PCDHGA6: variants seen among roughly 807,000 people sequenced by gnomAD.
PCDHGA6 encodes the protein protocadherin gamma-A6.
Under a neutral mutation model 60.6 loss-of-function variants are expected in PCDHGA6, and 41 were observed. The observed-to-expected ratio is 0.68, with a 90% CI of 0.53 to 0.88. PCDHGA6 has a LOEUF of 0.88. Ranked by LOEUF, PCDHGA6 falls within the 40% of genes least tolerant of loss-of-function variation. The pLI, the probability that PCDHGA6 is intolerant of heterozygous loss-of-function variation, is 0.00. For synonymous variants in PCDHGA6, 594 were observed against 524.4 expected (o/e 1.13, Z -1.81); for missense variants, 1,312 against 1,203.0 (o/e 1.09, Z -1.34).
chr5:141,410,822 A>T (rs2095425246), intron 1 of PCDHGA6: 1 of 461,414 alleles, frequency 2.2e-6, no homozygotes, highest in Non-Finnish European at 3.6e-6. Flanking sequence ...AAATAATGTC[A>T]CCAGACTGAA....
chr5:141,403,969 T>G (rs1437416293), intron 1 of PCDHGA6: 1 of 1,613,690 alleles, frequency 6.2e-7, no homozygotes, highest in African/African-American at 1.3e-5. Context: ...CGGTGGAAGA[T>G]GTAAATGACA....
At position 141,485,044 on chromosome 5, in the gene PCDHGA6, G is replaced by A; in HGVS notation, c.2425-9763G>A. 2 of 737,674 alleles carry A rather than the reference G, an allele frequency of 2.7e-6. No individual in the cohort carries two copies. The highest frequency in any genetic ancestry group is 1.8e-5 in the African/African-American group (1 of 56,792). The allele number at this position is 737,674 out of a possible 1,614,324, so 45.7% of individuals were successfully genotyped here. A position where few individuals can be genotyped will look rare whatever the true frequency, so the allele number is the denominator to read the frequency against. ...GCAAAAACGGCGCGTAACCCTTGCG[G>A]CGCCGGCCGAACCGCGCCAGAGCTG... On this transcript the variant is annotated intron_variant, in intron 1 of 3. Coordinates refer to ENST00000517434, the MANE Select transcript of PCDHGA6 (RefSeq NM_018919.3). This position sits in a 1 kb window ranked among gnomAD's most constrained non-coding sequence, Gnocchi z 5.7.
rs751034521 is a variant in PCDHGA6, at chr5:141,405,112, C to A, written c.2424+28605C>A. ...TGGCCCTCAGGCTGAGGCACTGGCA[C>A]TCCTCGCATCTGCTGCGGGCTACCA... On this transcript the variant is annotated intron_variant, in intron 1 of 3. Coordinates refer to ENST00000517434, the MANE Select transcript of PCDHGA6 (RefSeq NM_018919.3). 4.5e-5 allele frequency: 73 copies of A among 1,613,868 alleles called. 1 individual carries two copies. The Middle Eastern group carries it at 5.9e-3, about 131-fold the overall frequency.
In PCDHGA6 at chr5:141,511,284, G is replaced by A; in HGVS notation, c.*111G>A. Reference sequence around the variant, plus strand: ...AGGGCTAACCCCCAGAATACTGGTAGGGGCCAAGGCCATGCTCCCCTTGGG... The same window carrying A: ...AGGGCTAACCCCCAGAATACTGGTAAGGGCCAAGGCCATGCTCCCCTTGGG... On this transcript the variant is annotated 3_prime_UTR_variant, in exon 4 of 4. Coordinates refer to ENST00000517434, the MANE Select transcript of PCDHGA6 (RefSeq NM_018919.3). 6.5e-7 allele frequency: 1 copy of A among 1,528,376 alleles called. No individual in the cohort carries two copies. The highest frequency in any genetic ancestry group is 1.4e-5 in the African/African-American group (1 of 72,796). The allele number at this position is 1,528,376 out of a possible 1,614,324, so 94.7% of individuals were successfully genotyped here.
Position 141,431,585 on chromosome 5 carries a change from G to A in PCDHGA6, c.2424+55078G>A. 6.2e-7 allele frequency: 1 copy of A among 1,614,204 alleles called. No individual in the cohort carries two copies. The highest frequency in any genetic ancestry group is 1.6e-4 in the Middle Eastern group (1 of 6,062). On this transcript the variant is annotated intron_variant, in intron 1 of 3. Transcript: ENST00000517434. This position sits in a 1 kb window ranked among gnomAD's most constrained non-coding sequence, Gnocchi z 4.8. ...CGACCCTGACGAAGGAGTCAATGCG[G>A]AAGTGAGGTATTCCTTCCGGTATGT...
chr5:141,424,519 A>T (rs1216899186), intron 1 of PCDHGA6: 1 of 152,222 alleles, frequency 6.6e-6, no homozygotes, highest in African/African-American at 2.4e-5. Context: ...TTAATGTAGT[A>T]AATCCATATA....
intron 1 of PCDHGA6, chr5:141,414,689 T>G (rs1256681548): frequency 1.2e-6 from 2 of 1,614,070 alleles, no homozygotes; most frequent in Non-Finnish European, 8.5e-7. Context: ...GGGGTACCTC[T>G]GTCCTCATAC....
chr5:141,507,915 G>A (rs1324577269), intron 3 of PCDHGA6, among the ~76,000 whole-genome samples: 2 of 152,224 alleles, frequency 1.3e-5, no homozygotes, highest in African/African-American at 4.8e-5. Flanking sequence ...AGCCAGGCCT[G>A]TGGGGCTGCT....
intron 1 of PCDHGA6, chr5:141,408,368 C>T: frequency 3.1e-6 from 5 of 1,613,992 alleles, no homozygotes; most frequent in Non-Finnish European, 4.2e-6. Context: ...GGATCTAGGG[C>T]TCAGTGTCCT....
At chr5:141,420,301 C>CT (rs768732518) in intron 1 of PCDHGA6, 1 of 1,462,190 alleles carries the variant, frequency 6.8e-7, no homozygotes, top group African/African-American at 1.4e-5. Flanking sequence ...GTATTTAATC[C>CT]TTTTTATATT....
At chr5:141,499,726 ACT>A (rs1368224475) in intron 2 of PCDHGA6, among the ~76,000 whole-genome samples, 1 of 128,608 alleles carries the variant, frequency 7.8e-6, no homozygotes, top group African/African-American at 3.0e-5. Flanking sequence ...ACAGAGTCTC[ACT>A]CTCTTGCCCA....
Position 141,486,070 on chromosome 5 carries a change from T to C in PCDHGA6, c.2425-8737T>C. ...ACCTCTTTAGCCTGCACCCCACTAC[T>C]GGAAAGCTTACTCTTTTGGGGCCCC... On this transcript the variant is annotated intron_variant, in intron 1 of 3. Coordinates refer to ENST00000517434, the MANE Select transcript of PCDHGA6 (RefSeq NM_018919.3). The surrounding 1 kb of genome is among the most constrained non-coding windows in gnomAD (Gnocchi z 5.0). 6.2e-7 allele frequency: 1 copy of C among 1,614,158 alleles called. No homozygotes were observed. The highest frequency in any genetic ancestry group is 8.5e-7 in the Non-Finnish European group (1 of 1,180,010).
In PCDHGA6 at chr5:141,467,461, A is replaced by G. The variant is rs1330947379; in HGVS notation, c.2425-27346A>G. ...ATTACTTTTTTCTTCCAGTGCTAGT[A>G]CTTGCATGGTTTTTGGTTTCCACAT... On this transcript the variant is annotated intron_variant, in intron 1 of 3. Coordinates refer to ENST00000517434, the MANE Select transcript of PCDHGA6 (RefSeq NM_018919.3). 2.6e-5 allele frequency among the ~76,000 whole-genome samples: 4 copies of G among 152,158 alleles called. No homozygotes were observed. The South Asian group carries it at 8.3e-4, about 31-fold the overall frequency.
rs766133958 is a variant in PCDHGA6, at chr5:141,403,000, A to G, written c.2424+26493A>G. 27 of 1,613,862 alleles carry G rather than the reference A, an allele frequency of 1.7e-5. No individual in the cohort carries two copies. Among genetic ancestry groups the G allele is most frequent in the Middle Eastern group, 1.6e-4 (1 of 6,082 alleles). ...AGCTCCGCGGAAGATTAGTCCTGCT[A>G]TGCTCGCTCCTGGGGATGCTATGGG... On this transcript the variant is annotated intron_variant, in intron 1 of 3. Transcript: ENST00000517434.
chr5:141,490,412 C>T lies in PCDHGA6; in HGVS notation c.2425-4395C>T, dbSNP rs2233605. 10 of 1,614,062 alleles carry T rather than the reference C, an allele frequency of 6.2e-6. No homozygotes were observed. The highest frequency in any genetic ancestry group is 4.0e-5 in the African/African-American group (3 of 74,910). Reference sequence around the variant, plus strand: ...GGTGAAGTGAGCCTTGATATCTCTCCGGACCTGCCATTTCAGATTAAGCCT... The same window carrying T: ...GGTGAAGTGAGCCTTGATATCTCTCTGGACCTGCCATTTCAGATTAAGCCT... On this transcript the variant is annotated intron_variant, in intron 1 of 3. Transcript: ENST00000517434. This position sits in a 1 kb window ranked among gnomAD's most constrained non-coding sequence, Gnocchi z 5.4.
Position 141,389,732 on chromosome 5 carries a change from C to T in PCDHGA6, c.2424+13225C>T, listed in dbSNP as rs765577336. 11 of 1,612,674 alleles carry T rather than the reference C, an allele frequency of 6.8e-6. No homozygotes were observed. The South Asian group carries it at 1.2e-4, about 18-fold the overall frequency. ...AGGCTAGCGAGCCCGGGCTCTTCAGCCTGGGGCTGCGCACGGGCGAAGTGC... is the reference window on the plus strand; with the variant it reads ...AGGCTAGCGAGCCCGGGCTCTTCAGTCTGGGGCTGCGCACGGGCGAAGTGC... On this transcript the variant is annotated intron_variant, in intron 1 of 3. Transcript: ENST00000517434.
chr5:141,389,215 A>G (rs2150378532), intron 1 of PCDHGA6: 1 of 1,614,010 alleles, frequency 6.2e-7, no homozygotes, highest in Non-Finnish European at 8.5e-7. Flanking sequence ...GGTGATGTAA[A>G]TGACAACGCT....
At chr5:141,388,793 T>A (rs1441605740) in intron 1 of PCDHGA6, 2 of 1,613,918 alleles carry the variant, frequency 1.2e-6, no homozygotes, top group Admixed American at 3.3e-5. Flanking sequence ...CTGTTTTAAA[T>A]ACATTAGATT....
At chr5:141,453,852 T>A (rs905734700) in intron 1 of PCDHGA6, among the ~76,000 whole-genome samples, 5 of 152,164 alleles carry the variant, frequency 3.3e-5, no homozygotes, top group African/African-American at 1.2e-4. Context: ...ACAGAGCACT[T>A]TGAAAATAAC....
Sources: allele counts gnomAD v4.1 joint callset (sites outside exome capture counted in the v4.1 genomes callset), GRCh38; gene constraint gnomAD v4.1.1; non-coding constraint Gnocchi (gnomAD v3.1); transcripts MANE v1.5; gene names NCBI Gene and HGNC (gene_info 2026-07-23, HGNC 2026-07-21).